LINGO1: variants seen among roughly 807,000 people sequenced by gnomAD.
The protein encoded by LINGO1 is leucine rich repeat and Ig domain containing 1, also known as leucine-rich repeat and immunoglobulin-like domain-containing nogo receptor-interacting protein 1.
LINGO1 carries 11 observed loss-of-function variants against 37.3 expected under a neutral mutation model. The observed-to-expected ratio is 0.29, with a 90% CI of 0.19 to 0.49. The LOEUF (loss-of-function observed/expected upper bound fraction) is 0.49, where lower values mean the gene tolerates loss of function less well. LINGO1 is among the 20% of genes least tolerant of loss of function. The pLI, the probability that LINGO1 is intolerant of heterozygous loss-of-function variation, is 0.99. For missense variants in LINGO1, 585 were observed against 878.2 expected (o/e 0.67, Z 4.22); for synonymous variants, 387 against 403.0 (o/e 0.96, Z 0.48).
At chr15:77,760,176 G>A (rs2076461080) in intron 1 of LINGO1, among the ~76,000 whole-genome samples, 1 of 152,172 alleles carries the variant, frequency 6.6e-6, no homozygotes. Context: ...CCTCCGTGGT[G>A]AAGGTAGCAG....
At chr15:77,673,419 A>G (rs1322537666) in intron 3 of LINGO1, among the ~76,000 whole-genome samples, 2 of 146,204 alleles carry the variant, frequency 1.4e-5, no homozygotes, top group African/African-American at 5.2e-5. Context: ...CACCGCCCCA[A>G]TCGCTGAAAC....
At chr15:77,620,289 G>A (rs2073877259) in intron 1 of LINGO1, among the ~76,000 whole-genome samples, 1 of 152,224 alleles carries the variant, frequency 6.6e-6, no homozygotes, top group Admixed American at 6.5e-5. Flanking sequence ...CAGGCAGGTG[G>A]GCAGGCAGCA....
At chr15:77,802,608 C>G (rs1050499686) in intron 1 of LINGO1, among the ~76,000 whole-genome samples, 1 of 152,094 alleles carries the variant, frequency 6.6e-6, no homozygotes, top group Non-Finnish European at 1.5e-5. Flanking sequence ...TTCCAGAAGG[C>G]CCCCTTCCCT....
At chr15:77,698,968 A>T (rs28400426), upstream of LINGO1, among the ~76,000 whole-genome samples, 1 of 151,900 alleles carries the variant, frequency 6.6e-6, no homozygotes, top group Non-Finnish European at 1.5e-5. Context: ...TGTGCTCAAT[A>T]GGAGGCTACG....
Position 77,777,278 on chromosome 15 carries a change from C to T in LINGO1, c.-257+9591G>A, listed in dbSNP as rs948123668. Among the ~76,000 whole-genome samples, 8 of 152,046 alleles carry T rather than the reference C, an allele frequency of 5.3e-5. 1 individual carries two copies. The highest frequency in any genetic ancestry group is 2.6e-4 in the Admixed American group (4 of 15,256). On this transcript the variant is annotated intron_variant, in intron 1 of 3. Coordinates refer to the LINGO1 transcript ENST00000561686. ...TGTTATCATGGTGGGGGGGTCCAAC[C>T]CCATCACTGTAGGCCTTCTGACTTC...
chr15:77,815,979 C>A (rs975993812), intron 1 of LINGO1, among the ~76,000 whole-genome samples: 1 of 152,150 alleles, frequency 6.6e-6, no homozygotes, highest in African/African-American at 2.4e-5. Flanking sequence ...TTGCCAGTGC[C>A]GTGCCATCTT....
At chr15:77,776,526 A>AAGGGAGTAAAGG in intron 1 of LINGO1, among the ~76,000 whole-genome samples, 1 of 35,754 alleles carries the variant, frequency 2.8e-5, no homozygotes, top group Non-Finnish European at 6.1e-5. Context: ...GGAAGGGAGG[A>AAGGGAGTAAAGG]AGGGAGGGAG....
chr15:77,687,079 C>T (rs938491674), intron 2 of LINGO1, among the ~76,000 whole-genome samples: 11 of 152,094 alleles, frequency 7.2e-5, no homozygotes, highest in African/African-American at 2.7e-4. Context: ...AGTGTGGGGC[C>T]AGGATCAGGG....
chr15:77,812,760 C>A (rs561051838), intron 1 of LINGO1, among the ~76,000 whole-genome samples: 2 of 152,358 alleles, frequency 1.3e-5, no homozygotes, highest in East Asian at 3.9e-4. Flanking sequence ...TTGCTGAGTG[C>A]CGTGCAATTC....
At chr15:77,776,541 G>GCA (rs1177758668) in intron 1 of LINGO1, among the ~76,000 whole-genome samples, 1 of 146,902 alleles carries the variant, frequency 6.8e-6, no homozygotes, top group Admixed American at 6.7e-5. Flanking sequence ...AGGGAGGGAG[G>GCA]GAGGGAGGGA....
intron 3 of LINGO1, among the ~76,000 whole-genome samples, chr15:77,657,672 G>A (rs961467052): frequency 6.6e-6 from 1 of 152,098 alleles, no homozygotes; most frequent in Non-Finnish European, 1.5e-5. Context: ...CCCTGCCCAG[G>A]GTCCTCTGAA....
At chr15:77,687,768 A>T (rs2075537158) in intron 2 of LINGO1, among the ~76,000 whole-genome samples, 1 of 152,244 alleles carries the variant, frequency 6.6e-6, no homozygotes, top group Non-Finnish European at 1.5e-5. Context: ...GTCTGGCTGA[A>T]CATGAAAGTG....
At chr15:77,819,196 CAG>C in intron 1 of LINGO1, 1 of 149,450 alleles carries the variant, frequency 6.7e-6, no homozygotes, top group Non-Finnish European at 1.5e-5. Context: ...CGCCGGCGGG[CAG>C]ACACACCGGC....
upstream of LINGO1, among the ~76,000 whole-genome samples, chr15:77,698,895 C>T (rs75472851): frequency 1.1e-4 from 16 of 152,104 alleles, no homozygotes; most frequent in East Asian, 7.7e-4. Flanking sequence ...TGAGTCCCTG[C>T]GGACAAGAGC....
rs1176865941 is a variant in LINGO1, at chr15:77,632,249, C to T, written c.6+61G>A. On this transcript the variant is annotated intron_variant, in intron 1 of 1. Coordinates refer to ENST00000355300, the MANE Select transcript of LINGO1 (RefSeq NM_032808.7). The surrounding 1 kb of genome is among the most constrained non-coding windows in gnomAD (Gnocchi z 6.0). The stretch of plus-strand genomic sequence containing the variant: ...GGGCGCAGCCAGGGCCGATGGCGGC[C>T]CCCAGGGGCACTCGCCGCGGGGCTG... 2 of 1,330,220 alleles carry T rather than the reference C, an allele frequency of 1.5e-6. No homozygotes were observed. Among genetic ancestry groups the T allele is most frequent in the Non-Finnish European group, 1.9e-6 (2 of 1,046,438 alleles). The allele number at this position is 1,330,220 out of a possible 1,614,324, so 82.4% of individuals were successfully genotyped here.
intron 1 of LINGO1, among the ~76,000 whole-genome samples, chr15:77,624,471 C>T (rs1023359922): frequency 6.6e-6 from 1 of 152,188 alleles, no homozygotes; most frequent in African/African-American, 2.4e-5. Context: ...CCCTGCCCAC[C>T]TCACCAAGGC....
intron 3 of LINGO1, among the ~76,000 whole-genome samples, chr15:77,664,170 T>TGTGTGTGTGTGTGCGCGCGCGCGC: frequency 5.3e-5 from 7 of 131,008 alleles, no homozygotes; most frequent in African/African-American, 2.6e-4. Context: ...TGTGTGTGTG[T>TGTGTGTGTGTGTGCGCGCGCGCGC]GCGCGCGCGC....
chr15:77,623,494 G>A (rs965718457), intron 1 of LINGO1, among the ~76,000 whole-genome samples: 1 of 152,230 alleles, frequency 6.6e-6, no homozygotes, highest in Non-Finnish European at 1.5e-5. Flanking sequence ...TAATTCCGTT[G>A]CTGGCCAGTC....
chr15:77,773,445 G>A (rs766311955), intron 1 of LINGO1, among the ~76,000 whole-genome samples: 3 of 152,172 alleles, frequency 2.0e-5, no homozygotes, highest in East Asian at 3.9e-4. Flanking sequence ...GAGGCTGGTC[G>A]CAGTGAAGTT....
Sources: gnomAD v4.1 joint callset for allele counts (sites outside exome capture counted in the v4.1 genomes callset) on GRCh38, gnomAD v4.1.1 for gene constraint, Gnocchi (gnomAD v3.1) non-coding constraint, MANE v1.5 for transcripts, NCBI Gene and HGNC (gene_info 2026-07-23, HGNC 2026-07-21) for gene names.